Variants in IPO7 observed in about 807,000 individuals in gnomAD.
IPO7 encodes importin-7.
A neutral mutation model predicts 136.4 loss-of-function variants in IPO7; 13 were observed. The observed-to-expected ratio is 0.10, with a 90% CI of 0.06 to 0.15. The LOEUF (loss-of-function observed/expected upper bound fraction) is 0.15, where lower values mean the gene tolerates loss of function less well. IPO7 is among the 10% of genes least tolerant of loss of function. The probability of loss-of-function intolerance (pLI) is 1.00; values close to 1 mark genes in which losing one functional copy is unlikely to be tolerated. For missense variants in IPO7, 857 were observed against 1,240.6 expected (o/e 0.69, Z 4.65); for synonymous variants, 403 against 404.4 (o/e 1.00, Z 0.04).
chr11:9,436,761 CA>C (rs1219805917), intron 20 of IPO7, among the ~76,000 whole-genome samples: 5 of 141,502 alleles, frequency 3.5e-5, no homozygotes, highest in Non-Finnish European at 7.5e-5. Flanking sequence ...CTGCTGACTG[CA>C]ACCAGATTCA....
At chr11:9,411,914 C>A (rs888854625) in intron 4 of IPO7, among the ~76,000 whole-genome samples, 3 of 152,110 alleles carry the variant, frequency 2.0e-5, no homozygotes, top group Admixed American at 2.0e-4. Flanking sequence ...TGATGTAGAA[C>A]AAGTATTTAA....
intron 1 of IPO7, among the ~76,000 whole-genome samples, chr11:9,395,716 T>C (rs1854698201): frequency 6.6e-6 from 1 of 152,098 alleles, no homozygotes; most frequent in Non-Finnish European, 1.5e-5. Flanking sequence ...CTGAAAGTTA[T>C]AAAGTTATGC....
chr11:9,421,461 C>A (rs112034778), intron 8 of IPO7, among the ~76,000 whole-genome samples: 14,906 of 147,662 alleles, frequency 0.1, 1,027 homozygotes, highest in Non-Finnish European at 0.15. Context: ...AACCCCGTCT[C>A]TACTAAAAAT....
Position 9,419,743 on chromosome 11 carries a change from TATTCTC to T in IPO7, c.727-665_727-660del, listed in dbSNP as rs555788062. On this transcript the variant is annotated intron_variant, in intron 6 of 24. Transcript: ENST00000379719. ...CCATTACAAATAATATGATAATTAA[TATTCTC>T]ATACACAAATCGTTGCGCATTTATA... 1.8e-3 allele frequency among the ~76,000 whole-genome samples: 268 copies of T among 151,822 alleles called. 2 individuals carry two copies. The highest frequency in any genetic ancestry group is 6.8e-3 in the Middle Eastern group (2 of 294).
intron 1 of IPO7, among the ~76,000 whole-genome samples, chr11:9,401,159 C>T (rs1341464142): frequency 2.0e-5 from 3 of 146,702 alleles, no homozygotes; most frequent in Non-Finnish European, 3.0e-5. Context: ...CCAGCTTGGG[C>T]GAGAAGAGTG....
chr11:9,438,357 T>A, intron 22 of IPO7, 72 bp downstream of exon 22: 1 of 968,550 alleles, frequency 1.0e-6, no homozygotes, highest in Non-Finnish European at 1.6e-6. Flanking sequence ...CCGGGCGCAG[T>A]GGCTCAGGCC....
chr11:9,432,479 G>A (rs566947695), intron 16 of IPO7, among the ~76,000 whole-genome samples: 1 of 152,290 alleles, frequency 6.6e-6, no homozygotes, highest in South Asian at 2.1e-4. Flanking sequence ...GAAATTACAG[G>A]CGTGAGCCAC....
At chr11:9,395,652 C>CTA (rs57277246) in intron 1 of IPO7, among the ~76,000 whole-genome samples, 46,075 of 151,984 alleles carry the variant, frequency 0.3, 8,139 homozygotes, top group East Asian at 0.69. Context: ...ATTGCCTGTG[C>CTA]TATATCCCCG....
Position 9,385,813 on chromosome 11 carries a change from T to C in IPO7, c.84+966T>C, listed in dbSNP as rs924476575. Among the ~76,000 whole-genome samples, 6 of 152,344 alleles carry C rather than the reference T, an allele frequency of 3.9e-5. No individual in the cohort carries two copies. In the East Asian group the frequency reaches 1.2e-3, roughly 29 times the overall value. On this transcript the variant is annotated intron_variant, in intron 1 of 24. Transcript: ENST00000379719. ...ATTTATTGTACTATCTCCAGTGTCATTCTTTGTTTCTAAACTTTTGCATTT... is the reference window on the plus strand; with the variant it reads ...ATTTATTGTACTATCTCCAGTGTCACTCTTTGTTTCTAAACTTTTGCATTT...
At position 9,384,755 on chromosome 11, in the gene IPO7, C is replaced by G; in HGVS notation, c.-9C>G. ...CCCGAGCCCCGGGTTTGACCGAGTCCGCGCTGCGATGGACCCCAACACCAT... is the reference window on the plus strand; with the variant it reads ...CCCGAGCCCCGGGTTTGACCGAGTCGGCGCTGCGATGGACCCCAACACCAT... On this transcript the variant is annotated 5_prime_UTR_variant, in exon 1 of 25. Transcript: ENST00000379719. The G allele has an allele frequency of 1.3e-6, 2 of 1,593,818 alleles. No individual in the cohort carries two copies. The highest frequency in any genetic ancestry group is 2.3e-5 in the East Asian group (1 of 43,588).
chr11:9,423,728 T>A, intron 9 of IPO7, 49 bp from the exon 10 acceptor site: 2 of 1,246,806 alleles, frequency 1.6e-6, no homozygotes, highest in Non-Finnish European at 2.3e-6. Context: ...ATTTGAAGGT[T>A]TAAATTTGAA....
intron 8 of IPO7, among the ~76,000 whole-genome samples, chr11:9,422,243 A>G (rs906386801): frequency 5.9e-5 from 9 of 152,110 alleles, no homozygotes; most frequent in African/African-American, 2.2e-4. Flanking sequence ...TGCACCATTG[A>G]GCAAAACTCC....
At chr11:9,404,493 T>A (rs780212447) in intron 2 of IPO7, among the ~76,000 whole-genome samples, 1 of 151,512 alleles carries the variant, frequency 6.6e-6, no homozygotes, top group Non-Finnish European at 1.5e-5. Context: ...TAAAAAAAAA[T>A]TGTTTTCTCA....
chr11:9,413,911 G>A (rs918186456), intron 4 of IPO7, among the ~76,000 whole-genome samples: 2 of 151,660 alleles, frequency 1.3e-5, no homozygotes, highest in Admixed American at 6.6e-5. Flanking sequence ...GGTTAAGAGG[G>A]CAGACCTTGG....
chr11:9,402,910 A>G (rs1408091143), intron 1 of IPO7: 1 of 223,926 alleles, frequency 4.5e-6, no homozygotes, highest in Non-Finnish European at 8.7e-6. Context: ...AGTCTCAGCT[A>G]CCCGGGAGGC....
rs1855547049 is a variant in IPO7, at chr11:9,447,655, A to G, written c.*2461A>G. ...TTTTATTACCCTGTAATTTTTTTTT[A>G]GTTGTAGAAGTTAATTCTGATTTTG... is the stretch of plus-strand genomic sequence containing the variant. On this transcript the variant is annotated 3_prime_UTR_variant, in exon 25 of 25. Coordinates refer to ENST00000379719, the MANE Select transcript of IPO7 (RefSeq NM_006391.3). 6.6e-6 allele frequency: 1 copy of G among 150,928 alleles called. No homozygotes were observed. The highest frequency in any genetic ancestry group is 6.6e-5 in the Admixed American group (1 of 15,194). The allele number at this position is 150,928 out of a possible 1,614,324, so 9.3% of individuals were successfully genotyped here.
At position 9,403,341 on chromosome 11, in the gene IPO7, G is replaced by C; in HGVS notation, c.136G>C (p.Glu46Gln). Residue 46 changes from glutamate (E) to glutamine (Q), a missense_variant, in exon 2 of 25, where the codon GAA (glutamate) becomes CAA (glutamine). This residue lies in a region of IPO7 where 49 missense variants were observed against 59.9 expected (regional missense o/e 0.82). Transcript: ENST00000379719. ...AACACTGCTCCAGATTACTATGTCGGAACAGCTGGATTTACCTGTGAGACA... is the reference window on the plus strand; with the variant it reads ...AACACTGCTCCAGATTACTATGTCGCAACAGCTGGATTTACCTGTGAGACA... The part of the protein sequence containing the change: ...VSTLLQITMS[E>Q]QLDLPVRQAG... 6.2e-7 allele frequency: 1 copy of C among 1,613,588 alleles called. No individual in the cohort carries two copies.
rs1050566582 is a variant in IPO7 at position 9,398,393 on chromosome 11, A to G, written c.85-4897A>G. Among the ~76,000 whole-genome samples the G allele has an allele frequency of 3.9e-5, 6 of 152,346 alleles. No homozygotes were observed. In the South Asian group the frequency reaches 8.3e-4, roughly 21 times the overall value. On this transcript the variant is annotated intron_variant, in intron 1 of 24. Coordinates refer to ENST00000379719, the MANE Select transcript of IPO7 (RefSeq NM_006391.3). ...AAGAAAAATAATGGTTATGAGAGCA[A>G]TAGGGAGCCCTACTTTAGCTTGAGT... is the stretch of plus-strand genomic sequence containing the variant.
At position 9,404,621 on chromosome 11, in the gene IPO7, G is replaced by A. The variant is rs1311393928; in HGVS notation, c.166+1250G>A. Reference sequence around the variant, plus strand: ...CGCTCTGTTGCCCAGGCTGTAGTGCGGTGGCGCGATTTCCGCTCACTGCAA... The same window carrying A: ...CGCTCTGTTGCCCAGGCTGTAGTGCAGTGGCGCGATTTCCGCTCACTGCAA... On this transcript the variant is annotated intron_variant, in intron 2 of 24. Transcript: ENST00000379719. 5.1e-5 allele frequency among the ~76,000 whole-genome samples: 7 copies of A among 136,654 alleles called. No individual in the cohort carries two copies. The South Asian group carries it at 1.4e-3, about 27-fold the overall frequency. The allele number at this position is 136,654 out of a possible 152,430, so 89.7% of individuals were successfully genotyped here. A position where few individuals can be genotyped will look rare whatever the true frequency, so the allele number is the denominator to read the frequency against.
Sources: allele counts gnomAD v4.1 joint callset (sites outside exome capture counted in the v4.1 genomes callset), GRCh38; gene constraint gnomAD v4.1.1; regional missense constraint gnomAD v4.1.1; transcripts MANE v1.5; gene names NCBI Gene and HGNC (gene_info 2026-07-23, HGNC 2026-07-21).